KCNT2: variants seen among roughly 807,000 people sequenced by gnomAD.
KCNT2 encodes the protein potassium channel subfamily T member 2.
Under a neutral mutation model 153.8 loss-of-function variants are expected in KCNT2, and 67 were observed. That is an observed-to-expected ratio of 0.44 (90% confidence interval 0.36 to 0.53). The LOEUF is 0.53. Ranked by LOEUF, KCNT2 falls within the 20% of genes least tolerant of loss-of-function variation. KCNT2 has a pLI of 0.00. For missense variants in KCNT2, 975 were observed against 1,354.8 expected (o/e 0.72, Z 4.40); for synonymous variants, 500 against 458.8 (o/e 1.09, Z -1.15).
intron 13 of KCNT2, among the ~76,000 whole-genome samples, chr1:196,384,851 C>T (rs1669827552): frequency 6.6e-6 from 1 of 151,916 alleles, no homozygotes; most frequent in African/African-American, 2.4e-5. Flanking sequence ...TTTTTGGCCA[C>T]TGGTTATCTT....
chr1:196,483,748 T>C (rs916703567), intron 3 of KCNT2, among the ~76,000 whole-genome samples: 2 of 152,156 alleles, frequency 1.3e-5, no homozygotes, highest in Admixed American at 6.6e-5. Context: ...GGAAACTTTA[T>C]ATTTATTTGT....
At chr1:196,418,869 G>T (rs1387249775) in intron 12 of KCNT2, among the ~76,000 whole-genome samples, 1 of 152,132 alleles carries the variant, frequency 6.6e-6, no homozygotes. Context: ...GAAGTGGAAA[G>T]CTCTTCTCAA....
chr1:196,394,517 A>G (rs1443003290), intron 13 of KCNT2, among the ~76,000 whole-genome samples: 1 of 151,582 alleles, frequency 6.6e-6, no homozygotes, highest in Non-Finnish European at 1.5e-5. Flanking sequence ...AAGTCAGAGA[A>G]AAATCAATAA....
chr1:196,563,664 A>G (rs1372720249), intron 1 of KCNT2, among the ~76,000 whole-genome samples: 5 of 151,948 alleles, frequency 3.3e-5, no homozygotes, highest in Non-Finnish European at 7.4e-5. Context: ...AAGACCATTT[A>G]CCATAACCAA....
rs746365667 is a variant in KCNT2, at chr1:196,282,885, T to A, written c.2698-529A>T. On this transcript the variant is annotated intron_variant, in intron 23 of 27. Transcript: ENST00000294725. Reference sequence around the variant, plus strand: ...TTTGAGACAGAGTCTTGCTGTGTCATCCAGGCTGGAGTGCAGTGGCATGAT... The same window carrying A: ...TTTGAGACAGAGTCTTGCTGTGTCAACCAGGCTGGAGTGCAGTGGCATGAT... Among the ~76,000 whole-genome samples the A allele has an allele frequency of 7.2e-5, 11 of 152,272 alleles. No homozygotes were observed. In the East Asian group the frequency reaches 1.9e-3, roughly 27 times the overall value.
rs552872447 is a variant in KCNT2 at position 196,536,759 on chromosome 1, G to A, written c.96-44418C>T. 3.9e-5 allele frequency among the ~76,000 whole-genome samples: 6 copies of A among 152,238 alleles called. No homozygotes were observed. The South Asian group carries it at 1.2e-3, about 32-fold the overall frequency. ...CCATACGACAACTGCAGCCTATCCT[G>A]TCACACTCTCACTAACCTGAAGGGC... On this transcript the variant is annotated intron_variant, in intron 1 of 27. Coordinates refer to ENST00000294725, the MANE Select transcript of KCNT2 (RefSeq NM_198503.5).
chr1:196,413,065 T>G (rs969769436), intron 12 of KCNT2, among the ~76,000 whole-genome samples: 5 of 151,576 alleles, frequency 3.3e-5, no homozygotes, highest in Non-Finnish European at 7.4e-5. Flanking sequence ...TAAACTAGGA[T>G]GGAAAGGAGT....
chr1:196,510,938 T>C (rs184930067), intron 1 of KCNT2, among the ~76,000 whole-genome samples: 14 of 152,282 alleles, frequency 9.2e-5, no homozygotes, highest in African/African-American at 2.9e-4. Flanking sequence ...CAACTAGCTA[T>C]GGTTAAACTG....
At chr1:196,257,404 T>A (rs1656608961) in intron 26 of KCNT2, 2 of 971,542 alleles carry the variant, frequency 2.1e-6, no homozygotes, top group South Asian at 4.8e-5. Flanking sequence ...GAATACCTTC[T>A]ATTTGATTCT....
intron 8 of KCNT2, among the ~76,000 whole-genome samples, chr1:196,433,380 A>G (rs538804647): frequency 2.6e-5 from 4 of 152,230 alleles, no homozygotes; most frequent in African/African-American, 9.6e-5. Flanking sequence ...TCAGATATAA[A>G]AGACCACATG....
intron 16 of KCNT2, among the ~76,000 whole-genome samples, chr1:196,337,612 G>A (rs1665161646): frequency 6.6e-6 from 1 of 152,028 alleles, no homozygotes; most frequent in Admixed American, 6.6e-5. Context: ...TACTGTTCCT[G>A]GAGAACCCCA....
chr1:196,424,480 T>C (rs1165555750), intron 11 of KCNT2, among the ~76,000 whole-genome samples: 3 of 151,902 alleles, frequency 2.0e-5, no homozygotes, highest in Admixed American at 6.6e-5. Flanking sequence ...TGAGTATAGA[T>C]AGCAAACAGT....
At chr1:196,320,585 T>C (rs1008328757) in intron 19 of KCNT2, among the ~76,000 whole-genome samples, 4 of 151,784 alleles carry the variant, frequency 2.6e-5, no homozygotes, top group Admixed American at 1.3e-4. Flanking sequence ...AGAAAACTGG[T>C]ACCTACAAGC....
At chr1:196,310,324 T>C (rs1662042316) in intron 21 of KCNT2, among the ~76,000 whole-genome samples, 1 of 151,828 alleles carries the variant, frequency 6.6e-6, no homozygotes, top group Admixed American at 6.6e-5. Context: ...TGGACTGCAA[T>C]TGACTATCAA....
intron 8 of KCNT2, among the ~76,000 whole-genome samples, chr1:196,455,561 T>C (rs1426908632): frequency 5.9e-5 from 9 of 152,002 alleles, no homozygotes. Flanking sequence ...CTATCTTTTG[T>C]TTTTCTCTCT....
intron 14 of KCNT2, among the ~76,000 whole-genome samples, chr1:196,350,504 T>A (rs1666575709): frequency 6.6e-6 from 1 of 152,208 alleles, no homozygotes; most frequent in Non-Finnish European, 1.5e-5. Flanking sequence ...ATAAATGTCT[T>A]CTTTTGAGAA....
chr1:196,515,299 T>C (rs1681957306), intron 1 of KCNT2, among the ~76,000 whole-genome samples: 1 of 152,188 alleles, frequency 6.6e-6, no homozygotes, highest in Non-Finnish European at 1.5e-5. Flanking sequence ...TATCAATAAG[T>C]CTTTCAACTC....
At chr1:196,306,918 T>G (rs1661688325) in intron 21 of KCNT2, among the ~76,000 whole-genome samples, 1 of 152,012 alleles carries the variant, frequency 6.6e-6, no homozygotes, top group Non-Finnish European at 1.5e-5. Flanking sequence ...CTAGGGGTAA[T>G]AAATTGTGGC....
At chr1:196,456,017 G>C (rs916476045) in intron 8 of KCNT2, among the ~76,000 whole-genome samples, 1 of 152,018 alleles carries the variant, frequency 6.6e-6, no homozygotes, top group Admixed American at 6.6e-5. Context: ...ATCTGGTTCC[G>C]ATTCATTCAG....
Sources: gnomAD v4.1 joint callset for allele counts (sites outside exome capture counted in the v4.1 genomes callset) on GRCh38, gnomAD v4.1.1 for gene constraint, MANE v1.5 for transcripts, NCBI Gene and HGNC (gene_info 2026-07-23, HGNC 2026-07-21) for gene names.